Variants in TNFSF13 observed in about 807,000 individuals in gnomAD.
TNFSF13 encodes TNF superfamily member 13, also known as tumor necrosis factor ligand superfamily member 13.
In TNFSF13, 18 loss-of-function variants were observed where a neutral mutation model predicts 30.7. That is an observed-to-expected ratio of 0.59 (90% confidence interval 0.41 to 0.87). TNFSF13 has a LOEUF of 0.87. Ranked by LOEUF, TNFSF13 falls within the 40% of genes least tolerant of loss-of-function variation. TNFSF13 has a pLI of 0.00. For missense variants in TNFSF13, 286 were observed against 308.8 expected, an observed-to-expected ratio of 0.93 and a Z score of 0.55; for synonymous variants, 116 against 123.2, an observed-to-expected ratio of 0.94 and a Z score of 0.39.
In TNFSF13 at chr17:7,560,427, C is replaced by G. The variant is rs1426489857; in HGVS notation, c.582C>G (p.Phe194Leu). ...GCCAAGGAAGGCAGGAGACTCTATT[C>G]CGATGTATAAGAAGTATGCCCTCCC... ...REGQGRQETL[F>L]RCIRSMPSHP... The change falls in exon 5 of 6, where the codon TTC becomes TTG. Residue 194 changes from phenylalanine to leucine, a missense_variant. By Grantham distance (22) the Phe-to-Leu change is conservative. Transcript: ENST00000338784. 6.2e-7 allele frequency: 1 copy of G among 1,613,940 alleles called. No individual in the cohort carries two copies. Among genetic ancestry groups the G allele is most frequent in the Non-Finnish European group, 8.5e-7 (1 of 1,179,932 alleles).
Position 7,561,235 on chromosome 17 carries a change from CCT to C in TNFSF13, c.*408_*409del. 3.2e-6 allele frequency: 2 copies of C among 625,640 alleles called. No homozygotes were observed. The highest frequency in any genetic ancestry group is 1.9e-5 in the South Asian group (1 of 53,328). 38.8% of individuals were successfully genotyped at this position (625,640 alleles called of 1,614,324 possible). On this transcript the variant is annotated 3_prime_UTR_variant, in exon 6 of 6. Coordinates refer to ENST00000338784, the MANE Select transcript of TNFSF13 (RefSeq NM_003808.4). This position sits in a 1 kb window ranked among gnomAD's most constrained non-coding sequence, Gnocchi z 4.4. ...AAAACCCCTGGTTCTCCATGCCACA[CCT>C]CTCTCCAGGTGCCCTCTGCCTCTTC...
Position 7,559,023 on chromosome 17 carries a change from G to T in TNFSF13, c.-17G>T. ...CCCCACTCTTGAAACCACAGCTGTT[G>T]GCAGGGTCCCCAGCTCATGCCAGCC... On this transcript the variant is annotated 5_prime_UTR_variant, in exon 1 of 6. Coordinates refer to ENST00000338784, the MANE Select transcript of TNFSF13 (RefSeq NM_003808.4). The surrounding 1 kb of genome is among the most constrained non-coding windows in gnomAD (Gnocchi z 5.4). The T allele has an allele frequency of 6.7e-7, 1 of 1,501,544 alleles. No individual in the cohort carries two copies. Among genetic ancestry groups the T allele is most frequent in the Non-Finnish European group, 8.9e-7 (1 of 1,120,652 alleles). The allele number at this position is 1,501,544 out of a possible 1,614,324, so 93.0% of individuals were successfully genotyped here.
Position 7,559,334 on chromosome 17 carries a change from T to C in TNFSF13, c.258+37T>C, listed in dbSNP as rs1597832236. 1 of 1,551,992 alleles carries C rather than the reference T, an allele frequency of 6.4e-7. No individual in the cohort carries two copies. The highest frequency in any genetic ancestry group is 8.7e-7 in the Non-Finnish European group (1 of 1,146,088). The stretch of plus-strand genomic sequence containing the variant: ...GAGGAGGGTGTCTGGGAGAGGATGG[T>C]TAGCATGGGGGGTCTCTGGGCCTCC... On this transcript the variant is annotated intron_variant, in intron 1 of 5. Transcript: ENST00000338784. This position sits in a 1 kb window ranked among gnomAD's most constrained non-coding sequence, Gnocchi z 5.4.
At position 7,559,881 on chromosome 17, in the gene TNFSF13, G is replaced by T. The variant is rs1167021681; in HGVS notation, c.373G>T (p.Ala125Ser). ...TGTCCTGCACCTGGTTCCCATTAACGCCACCTCCAAGGGTGAGCACTATTT... is the reference window on the plus strand; with the variant it reads ...TGTCCTGCACCTGGTTCCCATTAACTCCACCTCCAAGGGTGAGCACTATTT... ...HSVLHLVPIN[A>S]TSKDDSDVTE... The change falls in exon 3 of 6, where the codon GCC becomes TCC. Residue 125 changes from alanine to serine, a missense_variant. By Grantham distance (99) the Ala-to-Ser change is moderately conservative. Coordinates refer to ENST00000338784, the MANE Select transcript of TNFSF13 (RefSeq NM_003808.4). The surrounding 1 kb of genome is among the most constrained non-coding windows in gnomAD (Gnocchi z 5.4). The T allele has an allele frequency of 6.2e-7, 1 of 1,614,082 alleles. No individual in the cohort carries two copies. The highest frequency in any genetic ancestry group is 8.5e-7 in the Non-Finnish European group (1 of 1,180,014).
rs2071193642 is a variant in TNFSF13, at chr17:7,561,032, C to T, written c.*199C>T. 2 of 1,614,130 alleles carry T rather than the reference C, an allele frequency of 1.2e-6. No individual in the cohort carries two copies. The highest frequency in any genetic ancestry group is 1.7e-6 in the Non-Finnish European group (2 of 1,180,020). ...TTTACGGATATCTTGCTTCTGTTCC[C>T]CATGGAGCTCCGAATTCTTGCGTGT... On this transcript the variant is annotated 3_prime_UTR_variant, in exon 6 of 6. Transcript: ENST00000338784. This position sits in a 1 kb window ranked among gnomAD's most constrained non-coding sequence, Gnocchi z 4.4.
Position 7,559,642 on chromosome 17 carries a change from G to A in TNFSF13, c.277G>A (p.Ala93Thr). 2 of 1,613,670 alleles carry A rather than the reference G, an allele frequency of 1.2e-6. No individual in the cohort carries two copies. The highest frequency in any genetic ancestry group is 1.6e-4 in the Middle Eastern group (1 of 6,062). ...TGAGCAGAGTTCCGATGCCCTGGAA[G>A]CCTGGGAGAATGGGGAGAGATCCCG... The part of the protein sequence containing the change: ...LPEQSSDALE[A>T]WENGERSRKR... The change falls in exon 2 of 6, where the codon GCC becomes ACC. Residue 93 changes from alanine (A) to threonine (T), a missense_variant. Ala to Thr is a moderately conservative substitution (Grantham distance 58, BLOSUM62 0). Transcript: ENST00000338784. The surrounding 1 kb of genome is among the most constrained non-coding windows in gnomAD (Gnocchi z 5.4).
In TNFSF13 at chr17:7,558,883, T is replaced by A; in HGVS notation, c.-157T>A. ...AGCACTAACAGTACCCTTAGCTTGC[T>A]TTCCTCCTCCCTCCTTTTTATTTTC... On this transcript the variant is annotated 5_prime_UTR_variant, in exon 1 of 6. Coordinates refer to ENST00000338784, the MANE Select transcript of TNFSF13 (RefSeq NM_003808.4). The surrounding 1 kb of genome is among the most constrained non-coding windows in gnomAD (Gnocchi z 4.3). 1.1e-6 allele frequency: 1 copy of A among 951,124 alleles called. No individual in the cohort carries two copies. The highest frequency in any genetic ancestry group is 1.5e-6 in the Non-Finnish European group (1 of 681,336). 58.9% of individuals were successfully genotyped at this position (951,124 alleles called of 1,614,324 possible). A position where few individuals can be genotyped will look rare whatever the true frequency, so the allele number is the denominator to read the frequency against.
chr17:7,560,570 T>C, intron 5 of TNFSF13, 82 bp downstream of exon 5: 1 of 1,610,444 alleles, frequency 6.2e-7, no homozygotes, highest in Non-Finnish European at 8.5e-7. Flanking sequence ...GGAGGGAGGT[T>C]GGAAACCTAA....
In TNFSF13 at chr17:7,560,030, G is replaced by A. The variant is rs1162293494; in HGVS notation, c.386-19G>A. The stretch of plus-strand genomic sequence containing the variant: ...CTGAGAGTGCCAAGAAGTCCTGACC[G>A]ACACACTCTCACCTCCAGATGACTC... On this transcript the variant is annotated intron_variant, in intron 3 of 5. Coordinates refer to ENST00000338784, the MANE Select transcript of TNFSF13 (RefSeq NM_003808.4). 9 of 1,613,902 alleles carry A rather than the reference G, an allele frequency of 5.6e-6. No individual in the cohort carries two copies. Among genetic ancestry groups the A allele is most frequent in the African/African-American group, 5.3e-5 (4 of 74,876 alleles).
chr17:7,561,030 C>T lies in TNFSF13; in HGVS notation c.*197C>T, dbSNP rs201836244. The T allele has an allele frequency of 3.1e-6, 5 of 1,614,146 alleles. No homozygotes were observed. Among genetic ancestry groups the T allele is most frequent in the Admixed American group, 1.7e-5 (1 of 60,014 alleles). ...ATTTTACGGATATCTTGCTTCTGTTCCCCATGGAGCTCCGAATTCTTGCGT... is the reference window on the plus strand; with the variant it reads ...ATTTTACGGATATCTTGCTTCTGTTTCCCATGGAGCTCCGAATTCTTGCGT... On this transcript the variant is annotated 3_prime_UTR_variant, in exon 6 of 6. Transcript: ENST00000338784. This position sits in a 1 kb window ranked among gnomAD's most constrained non-coding sequence, Gnocchi z 4.4.
chr17:7,561,407 C>A lies in TNFSF13; in HGVS notation c.*574C>A, dbSNP rs1046659312. The A allele has an allele frequency of 4.0e-6, 1 of 247,608 alleles. No individual in the cohort carries two copies. Among genetic ancestry groups the A allele is most frequent in the African/African-American group, 2.3e-5 (1 of 43,386 alleles). 15.3% of individuals were successfully genotyped at this position (247,608 alleles called of 1,614,324 possible). On this transcript the variant is annotated 3_prime_UTR_variant, in exon 6 of 6. Transcript: ENST00000338784. The surrounding 1 kb of genome is among the most constrained non-coding windows in gnomAD (Gnocchi z 4.4). ...GTGCCTTCGCAGTCAAATTACTCTT[C>A]GGGTCCCAAGGTTTGGCTTTCACGC...
Position 7,559,546 on chromosome 17 carries a change from G to A in TNFSF13, c.259-78G>A. 2 of 1,547,872 alleles carry A rather than the reference G, an allele frequency of 1.3e-6. No individual in the cohort carries two copies. The highest frequency in any genetic ancestry group is 1.8e-6 in the Non-Finnish European group (2 of 1,142,244). ...CGTGAGAGATCTGAGGCATCTCGGG[G>A]GCAGGGGAGGGCTGGGAAGGCAGGC... On this transcript the variant is annotated intron_variant, in intron 1 of 5. Transcript: ENST00000338784. This position sits in a 1 kb window ranked among gnomAD's most constrained non-coding sequence, Gnocchi z 5.4.
In TNFSF13 at chr17:7,559,950, T is replaced by G. The variant is rs1748443091; in HGVS notation, c.385+57T>G. ...AGGGGCAATAACCAGGAACTCGGGC[T>G]GGCACTTGGGCTCAAGGGGTCCTTA... On this transcript the variant is annotated intron_variant, in intron 3 of 5. Coordinates refer to ENST00000338784, the MANE Select transcript of TNFSF13 (RefSeq NM_003808.4). This position sits in a 1 kb window ranked among gnomAD's most constrained non-coding sequence, Gnocchi z 5.4. 31 of 1,613,852 alleles carry G rather than the reference T, an allele frequency of 1.9e-5. No homozygotes were observed. In the South Asian group the frequency reaches 3.0e-4, roughly 15 times the overall value.
In TNFSF13 at chr17:7,560,144, G is replaced by A; in HGVS notation, c.481G>A (p.Gly161Arg). 1 of 1,614,170 alleles carries A rather than the reference G, an allele frequency of 6.2e-7. No individual in the cohort carries two copies. Among genetic ancestry groups the A allele is most frequent in the Non-Finnish European group, 8.5e-7 (1 of 1,180,036 alleles). The change falls in exon 4 of 6, where the codon GGA becomes AGA. Residue 161 changes from glycine (G) to arginine (R), a missense_variant. By Grantham distance (125) the Gly-to-Arg change is moderately radical. Transcript: ENST00000338784. Reference sequence around the variant, plus strand: ...ATATGGTGTCCGAATCCAGGATGCTGGAGTTTATCTGCTGTATAGCCAGGT... The same window carrying A: ...ATATGGTGTCCGAATCCAGGATGCTAGAGTTTATCTGCTGTATAGCCAGGT... Reference protein sequence around the residue: ...QGYGVRIQDAGVYLLYSQVLF... With the variant: ...QGYGVRIQDARVYLLYSQVLF...
chr17:7,561,100 A>G lies in TNFSF13; in HGVS notation c.*267A>G. 1 of 1,588,296 alleles carries G rather than the reference A, an allele frequency of 6.3e-7. No individual in the cohort carries two copies. On this transcript the variant is annotated 3_prime_UTR_variant, in exon 6 of 6. Coordinates refer to ENST00000338784, the MANE Select transcript of TNFSF13 (RefSeq NM_003808.4). This position sits in a 1 kb window ranked among gnomAD's most constrained non-coding sequence, Gnocchi z 4.4. ...GGGACGGGCGCCAGGCATTGTCCAGACCTGGTCGGGGCCCACTGGAAGCAT... is the reference window on the plus strand; with the variant it reads ...GGGACGGGCGCCAGGCATTGTCCAGGCCTGGTCGGGGCCCACTGGAAGCAT...
At position 7,558,832 on chromosome 17, in the gene TNFSF13, C is replaced by T. The variant is rs2071115268; in HGVS notation, c.-208C>T. The T allele has an allele frequency of 8.2e-6, 4 of 487,944 alleles. No homozygotes were observed. The highest frequency in any genetic ancestry group is 1.0e-5 in the Non-Finnish European group (3 of 297,992). The allele number at this position is 487,944 out of a possible 1,614,324, so 30.2% of individuals were successfully genotyped here. A position where few individuals can be genotyped will look rare whatever the true frequency, so the allele number is the denominator to read the frequency against. On this transcript the variant is annotated 5_prime_UTR_variant, in exon 1 of 6. The change creates a new upstream start codon in the 5' untranslated region. Transcript: ENST00000338784. This position sits in a 1 kb window ranked among gnomAD's most constrained non-coding sequence, Gnocchi z 4.3. Reference sequence around the variant, plus strand: ...GGGAGGGTGGAGGGTCTCAAGGCAACGCTGGCCCCACGACGGAGTGCCAGG... The same window carrying T: ...GGGAGGGTGGAGGGTCTCAAGGCAATGCTGGCCCCACGACGGAGTGCCAGG...
At position 7,559,441 on chromosome 17, in the gene TNFSF13, T is replaced by G; in HGVS notation, c.258+144T>G. ...GCGCGGCCATTCCAGGAAAGGAAAC[T>G]GTTAAAGGTTAATGCTTCTCATACC... On this transcript the variant is annotated intron_variant, in intron 1 of 5. Coordinates refer to ENST00000338784, the MANE Select transcript of TNFSF13 (RefSeq NM_003808.4). This position sits in a 1 kb window ranked among gnomAD's most constrained non-coding sequence, Gnocchi z 5.4. The G allele has an allele frequency of 7.1e-7, 1 of 1,403,850 alleles. No homozygotes were observed. Among genetic ancestry groups the G allele is most frequent in the Non-Finnish European group, 9.5e-7 (1 of 1,054,898 alleles). The allele number at this position is 1,403,850 out of a possible 1,614,324, so 87.0% of individuals were successfully genotyped here.
Position 7,559,803 on chromosome 17 carries a change from G to A in TNFSF13, c.338-43G>A. The A allele has an allele frequency of 1.9e-6, 3 of 1,614,090 alleles. No individual in the cohort carries two copies. Among genetic ancestry groups the A allele is most frequent in the South Asian group, 1.1e-5 (1 of 91,062 alleles). ...GGTGGAGGCTGCCAACAGCACAACG[G>A]GGGAAAGTGGATGCGGCTGAGATTC... is the stretch of plus-strand genomic sequence containing the variant. On this transcript the variant is annotated intron_variant, in intron 2 of 5. Coordinates refer to ENST00000338784, the MANE Select transcript of TNFSF13 (RefSeq NM_003808.4). This position sits in a 1 kb window ranked among gnomAD's most constrained non-coding sequence, Gnocchi z 5.4.
Position 7,559,606 on chromosome 17 carries a change from C to T in TNFSF13, c.259-18C>T. 18 of 1,612,304 alleles carry T rather than the reference C, an allele frequency of 1.1e-5. No homozygotes were observed. The highest frequency in any genetic ancestry group is 1.4e-5 in the Non-Finnish European group (16 of 1,179,414). ...CCCTCGCATCTTAACCTAACCTTGA[C>T]CCTCTTTCCATGAGCAGAGTTCCGA... On this transcript the variant is annotated intron_variant, in intron 1 of 5. Coordinates refer to ENST00000338784, the MANE Select transcript of TNFSF13 (RefSeq NM_003808.4). This position sits in a 1 kb window ranked among gnomAD's most constrained non-coding sequence, Gnocchi z 5.4.
Sources: allele counts gnomAD v4.1 joint callset, GRCh38; gene constraint gnomAD v4.1.1; non-coding constraint Gnocchi (gnomAD v3.1); transcripts MANE v1.5; gene names NCBI Gene and HGNC (gene_info 2026-07-23, HGNC 2026-07-21).